Variants in MARK3 observed in about 807,000 individuals in gnomAD.
MARK3 encodes microtubule affinity regulating kinase 3.
MARK3 carries 46 observed loss-of-function variants against 90.1 expected under a neutral mutation model. The observed-to-expected ratio is 0.51, with a 90% CI of 0.40 to 0.65. The LOEUF (loss-of-function observed/expected upper bound fraction) is 0.65. MARK3 is among the 30% of genes least tolerant of loss of function. The probability of loss-of-function intolerance (pLI) is 0.00; values close to 1 mark genes in which losing one functional copy is unlikely to be tolerated. For synonymous variants in MARK3, 321 were observed against 332.6 expected (o/e 0.97, Z 0.38); for missense variants, 818 against 947.2 (o/e 0.86, Z 1.79).
chr14:103,461,788 G>A (rs904700718), intron 6 of MARK3, among the ~76,000 whole-genome samples: 6 of 152,132 alleles, frequency 3.9e-5, no homozygotes, highest in Non-Finnish European at 5.9e-5. Flanking sequence ...TGTAATCCTA[G>A]CACTTTGGGA....
intron 16 of MARK3, 103 bp from the exon 17 acceptor site, chr14:103,500,053 T>G: frequency 1.1e-6 from 1 of 902,062 alleles, no homozygotes; most frequent in Non-Finnish European, 1.8e-6. Context: ...TTTGGCTTTG[T>G]TCATTTTATG....
Position 103,465,659 on chromosome 14 carries a change from A to T in MARK3, c.643A>T (p.Ser215Cys). The T allele has an allele frequency of 6.2e-7, 1 of 1,614,182 alleles. No homozygotes were observed. Among genetic ancestry groups the T allele is most frequent in the Non-Finnish European group, 8.5e-7 (1 of 1,180,034 alleles). ...CGGTAAACTCGACACGTTTTGTGGC[A>T]GTCCTCCATACGCAGCACCTGAGCT... ...VGGKLDTFCG[S>C]PPYAAPELFQ... The change falls in exon 8 of 18, where the codon AGT becomes TGT. Residue 215 changes from serine to cysteine, a missense_variant. Coordinates refer to ENST00000429436, the MANE Select transcript of MARK3 (RefSeq NM_001128918.3).
chr14:103,424,481 A>G (rs1181220918), intron 2 of MARK3, among the ~76,000 whole-genome samples: 2 of 151,746 alleles, frequency 1.3e-5, no homozygotes, highest in Middle Eastern at 3.2e-3. Flanking sequence ...AACTGTGATC[A>G]TGTCACTGCA....
chr14:103,421,025 A>G (rs2092196795), intron 2 of MARK3, among the ~76,000 whole-genome samples: 1 of 152,072 alleles, frequency 6.6e-6, no homozygotes, highest in African/African-American at 2.4e-5. Flanking sequence ...TAACACCTGC[A>G]TTTTCTTTGT....
In MARK3 at chr14:103,466,366, C is replaced by T. The variant is rs1259541361; in HGVS notation, c.921C>T (p.Ile307=). 2 of 1,613,496 alleles carry T rather than the reference C, an allele frequency of 1.2e-6. No individual in the cohort carries two copies. The highest frequency in any genetic ancestry group is 1.3e-5 in the African/African-American group (1 of 75,050). ...AGCAAATCATGAAGGACAGGTGGAT[C>T]AATGCAGGGCATGAAGAAGATGAAC... is the stretch of plus-strand genomic sequence containing the variant. ...TLEQIMKDRW[I]NAGHEEDELK... Residue 307 remains isoleucine, a synonymous_variant, in exon 10 of 18, where the codon ATC becomes ATT. Transcript: ENST00000429436.
Position 103,503,330 on chromosome 14 carries a change from A to T in MARK3, c.*103A>T, listed in dbSNP as rs1487647419. ...TAGGCAATAACGTCTGCATCTTCTAAATCATGAAATTAAAGTCTGAGGACG... is the reference window on the plus strand; with the variant it reads ...TAGGCAATAACGTCTGCATCTTCTATATCATGAAATTAAAGTCTGAGGACG... On this transcript the variant is annotated 3_prime_UTR_variant, in exon 18 of 18. Coordinates refer to ENST00000429436, the MANE Select transcript of MARK3 (RefSeq NM_001128918.3). The T allele has an allele frequency of 2.8e-6, 3 of 1,076,200 alleles. No homozygotes were observed. In the East Asian group the frequency reaches 7.5e-5, roughly 27 times the overall value. The allele number at this position is 1,076,200 out of a possible 1,614,324, so 66.7% of individuals were successfully genotyped here.
chr14:103,438,220 C>G (rs1377352027), intron 3 of MARK3, among the ~76,000 whole-genome samples: 1 of 152,184 alleles, frequency 6.6e-6, no homozygotes, highest in Non-Finnish European at 1.5e-5. Context: ...TCAGGCTGGT[C>G]TGGAACTCCC....
chr14:103,481,125 A>G (rs1595884891), intron 14 of MARK3, among the ~76,000 whole-genome samples: 1 of 152,202 alleles, frequency 6.6e-6, no homozygotes, highest in African/African-American at 2.4e-5. Flanking sequence ...GTTTTGAAAT[A>G]AAATAAGTAG....
intron 14 of MARK3, among the ~76,000 whole-genome samples, chr14:103,483,105 T>G (rs529437993): frequency 1.3e-5 from 2 of 152,336 alleles, no homozygotes; most frequent in African/African-American, 4.8e-5. Flanking sequence ...AATTGATGCT[T>G]GAGTCTTCAG....
chr14:103,460,232 C>A (rs1027489794), intron 6 of MARK3, among the ~76,000 whole-genome samples: 6 of 151,710 alleles, frequency 4.0e-5, no homozygotes, highest in Admixed American at 1.3e-4. Flanking sequence ...AATACAGATG[C>A]CTGCCACTAC....
rs571611660 is a variant in MARK3, at chr14:103,460,073, C to CTTTTTTTTTTTTTTTTTTTTTT, written c.484-2322_484-2301dup. ...AAAAAGAATAGATTTCCAGCTCCATCTTTTTTTTTTTTTTTTTTTTTTTTT... is the reference window on the plus strand; with the variant it reads ...AAAAAGAATAGATTTCCAGCTCCATCTTTTTTTTTTTTTTTTTTTTTTTTTTTTTTTTTTTTTTTTTTTTTTT... On this transcript the variant is annotated intron_variant, in intron 6 of 17. Transcript: ENST00000429436. Among the ~76,000 whole-genome samples, 26 of 41,720 alleles carry CTTTTTTTTTTTTTTTTTTTTTT rather than the reference C, an allele frequency of 6.2e-4. 7 individuals are homozygous for CTTTTTTTTTTTTTTTTTTTTTT. The highest frequency in any genetic ancestry group is 1.8e-3 in the East Asian group (2 of 1,106). The allele number at this position is 41,720 out of a possible 152,430, so 27.4% of individuals were successfully genotyped here. A position where few individuals can be genotyped will look rare whatever the true frequency, so the allele number is the denominator to read the frequency against.
intron 15 of MARK3, among the ~76,000 whole-genome samples, chr14:103,496,367 GC>G (rs2075338823): frequency 6.6e-6 from 1 of 151,748 alleles, no homozygotes. Context: ...GATCACTTGA[GC>G]CCAGGAGTTC....
intron 1 of MARK3, among the ~76,000 whole-genome samples, chr14:103,399,904 G>A (rs973831718): frequency 6.8e-6 from 1 of 146,718 alleles, no homozygotes; most frequent in African/African-American, 2.5e-5. Context: ...GGAAGGAACT[G>A]TACTGGCAAC....
chr14:103,417,080 C>G (rs1281464410), intron 2 of MARK3, among the ~76,000 whole-genome samples: 1 of 152,144 alleles, frequency 6.6e-6, no homozygotes, highest in Non-Finnish European at 1.5e-5. Flanking sequence ...TGGGAAGAGT[C>G]AGCATGGCGT....
At chr14:103,456,671 T>C (rs10141120) in intron 5 of MARK3, among the ~76,000 whole-genome samples, 50,953 of 152,034 alleles carry the variant, frequency 0.34, 8,871 homozygotes, top group Middle Eastern at 0.45. Flanking sequence ...AGGAAAAGGA[T>C]CTTGTGTTCA....
intron 1 of MARK3, among the ~76,000 whole-genome samples, chr14:103,395,622 C>A (rs1328477530): frequency 6.6e-6 from 1 of 152,198 alleles, no homozygotes; most frequent in Non-Finnish European, 1.5e-5. Flanking sequence ...TTCATTGCAG[C>A]AGTTCCTCCA....
At chr14:103,502,305 A>G (rs968822907) in intron 17 of MARK3, among the ~76,000 whole-genome samples, 1 of 152,244 alleles carries the variant, frequency 6.6e-6, no homozygotes, top group African/African-American at 2.4e-5. Flanking sequence ...TTAACTGTAT[A>G]ATTGGACGTT....
chr14:103,451,092 A>T (rs552023625), intron 4 of MARK3, among the ~76,000 whole-genome samples: 2 of 151,236 alleles, frequency 1.3e-5, no homozygotes. Flanking sequence ...CGCCATACCC[A>T]GCTAATTTTT....
At chr14:103,415,635 C>T (rs1030277575) in intron 2 of MARK3, among the ~76,000 whole-genome samples, 1 of 151,348 alleles carries the variant, frequency 6.6e-6, no homozygotes, top group South Asian at 2.1e-4. Context: ...CATTATTTTC[C>T]CCCCACTAAT....
Sources: gnomAD v4.1 joint callset for allele counts (sites outside exome capture counted in the v4.1 genomes callset) on GRCh38, gnomAD v4.1.1 for gene constraint, MANE v1.5 for transcripts, NCBI Gene and HGNC (gene_info 2026-07-23, HGNC 2026-07-21) for gene names.